Variants in PDE1C observed in about 807,000 individuals in gnomAD.
PDE1C encodes dual specificity calcium/calmodulin-dependent 3',5'-cyclic nucleotide phosphodiesterase 1C.
Under a neutral mutation model 93.1 loss-of-function variants are expected in PDE1C, and 62 were observed. The observed-to-expected ratio is 0.67, with a 90% confidence interval of 0.54 to 0.82. The LOEUF is 0.82. Ranked by LOEUF, PDE1C falls within the 40% of genes least tolerant of loss-of-function variation. The pLI is 0.00. For missense variants in PDE1C, 742 were observed against 884.6 expected, an observed-to-expected ratio of 0.84 and a Z score of 2.04; for synonymous variants, 325 against 310.1, an observed-to-expected ratio of 1.05 and a Z score of -0.50.
intron 3 of PDE1C, among the ~76,000 whole-genome samples, chr7:32,150,290 A>G (rs993578182): frequency 6.6e-6 from 1 of 152,176 alleles, no homozygotes; most frequent in Non-Finnish European, 1.5e-5. Context: ...ACTGTGTAAG[A>G]GAGTCAGCCA....
intron 1 of PDE1C, among the ~76,000 whole-genome samples, chr7:32,274,973 A>T (rs1395644146): frequency 6.6e-6 from 1 of 152,250 alleles, no homozygotes; most frequent in Non-Finnish European, 1.5e-5. Flanking sequence ...TTTCTAAAGC[A>T]ACTCTACAAG....
At chr7:31,735,466 G>A in the PDE1C span, among the ~76,000 whole-genome samples, 3 of 150,790 alleles carry the variant, frequency 2.0e-5, no homozygotes, top group Admixed American at 6.6e-5. Flanking sequence ...ATAAGCAAAC[G>A]TCCCAGGCCT....
At chr7:31,621,754 C>A in the PDE1C span, among the ~76,000 whole-genome samples, 1 of 145,132 alleles carries the variant, frequency 6.9e-6, no homozygotes, top group Admixed American at 6.9e-5. Context: ...TCACACATAA[C>A]AATATTAACT....
intron 3 of PDE1C, among the ~76,000 whole-genome samples, chr7:32,125,374 A>G (rs1304300497): frequency 6.6e-6 from 1 of 152,202 alleles, no homozygotes; most frequent in African/African-American, 2.4e-5. Context: ...CTGGGTATAT[A>G]CCCAAAAGAA....
chr7:31,669,347 C>T, the PDE1C span, among the ~76,000 whole-genome samples: 1 of 152,174 alleles, frequency 6.6e-6, no homozygotes, highest in Admixed American at 6.5e-5. Context: ...AAATATTTGA[C>T]CCACTGTTAA....
chr7:32,326,307 G>A (rs1015090746), intron 1 of PDE1C, among the ~76,000 whole-genome samples: 1 of 152,236 alleles, frequency 6.6e-6, no homozygotes, highest in African/African-American at 2.4e-5. Flanking sequence ...AGGCATAAAT[G>A]TGGGAGTCAC....
chr7:31,682,670 C>T, the PDE1C span, among the ~76,000 whole-genome samples: 1 of 152,190 alleles, frequency 6.6e-6, no homozygotes, highest in Non-Finnish European at 1.5e-5. Context: ...AAAAGAAGTA[C>T]ACAATTGTTC....
intron 2 of PDE1C, among the ~76,000 whole-genome samples, chr7:31,967,828 C>T (rs1358680459): frequency 6.6e-6 from 1 of 152,168 alleles, no homozygotes; most frequent in Non-Finnish European, 1.5e-5. Flanking sequence ...AAACGTAATC[C>T]AGCATATAAA....
chr7:32,401,819 CAG>C (rs1220163123), intron 1 of PDE1C, among the ~76,000 whole-genome samples: 6 of 152,180 alleles, frequency 3.9e-5, no homozygotes, highest in Admixed American at 3.9e-4. Flanking sequence ...TCGCCTACGT[CAG>C]AGAGTCTGCA....
At chr7:31,985,634 A>G (rs981186384) in intron 2 of PDE1C, among the ~76,000 whole-genome samples, 5 of 149,966 alleles carry the variant, frequency 3.3e-5, no homozygotes, top group African/African-American at 1.2e-4. Flanking sequence ...AAGTGTTCTT[A>G]TTGTTCAGTT....
At chr7:31,958,576 C>T (rs996073611) in intron 2 of PDE1C, among the ~76,000 whole-genome samples, 1 of 152,146 alleles carries the variant, frequency 6.6e-6, no homozygotes, top group African/African-American at 2.4e-5. Flanking sequence ...ACCACAGTGC[C>T]TGTCGAACAG....
Position 31,779,725 on chromosome 7 carries a change from T to G in PDE1C, c.1892-3993A>C, listed in dbSNP as rs372570427. ...CATTGGCGGGGGGTTAGGTTCTGAGTCAGCCTCCCACTGGCTTCCAGTTCA... is the reference window on the plus strand; with the variant it reads ...CATTGGCGGGGGGTTAGGTTCTGAGGCAGCCTCCCACTGGCTTCCAGTTCA... On this transcript the variant is annotated intron_variant, in intron 16 of 17. Coordinates refer to ENST00000396191, the MANE Select transcript of PDE1C (RefSeq NM_001191057.4). Among the ~76,000 whole-genome samples the G allele has an allele frequency of 2.6e-5, 4 of 152,260 alleles. No individual in the cohort carries two copies. The East Asian group carries it at 7.7e-4, about 29-fold the overall frequency.
the PDE1C span, among the ~76,000 whole-genome samples, chr7:31,744,591 A>G: frequency 6.6e-6 from 1 of 152,160 alleles, no homozygotes; most frequent in African/African-American, 2.4e-5. Context: ...CCTTTGAGCC[A>G]CTTAATCATC....
intron 2 of PDE1C, among the ~76,000 whole-genome samples, chr7:32,025,155 A>T (rs1481438006): frequency 1.3e-5 from 2 of 152,122 alleles, no homozygotes; most frequent in Non-Finnish European, 2.9e-5. Flanking sequence ...AATCATCCTC[A>T]TGTAGAGTTA....
intron 2 of PDE1C, among the ~76,000 whole-genome samples, chr7:31,989,029 GAA>G (rs1403981801): frequency 7.6e-6 from 1 of 131,520 alleles, no homozygotes; most frequent in African/African-American, 3.0e-5. Flanking sequence ...GAGAGAGAGA[GAA>G]AGAGAGAAAG....
chr7:31,639,967 CTAT>C, the PDE1C span, among the ~76,000 whole-genome samples: 2 of 152,012 alleles, frequency 1.3e-5, no homozygotes, highest in Non-Finnish European at 2.9e-5. Context: ...CTTTGCACAC[CTAT>C]TATTTTTTAA....
chr7:31,911,025 A>G (rs1801176268), intron 2 of PDE1C, among the ~76,000 whole-genome samples: 1 of 152,172 alleles, frequency 6.6e-6, no homozygotes, highest in African/African-American at 2.4e-5. Flanking sequence ...ATGTAAGTCA[A>G]TTGCTTACAT....
chr7:32,422,588 C>T (rs1000852003), intron 1 of PDE1C, among the ~76,000 whole-genome samples: 3 of 151,692 alleles, frequency 2.0e-5, no homozygotes, highest in Admixed American at 6.6e-5. Context: ...ATCATGTATA[C>T]TTGGTTTTCT....
At chr7:31,832,182 C>T (rs995146301) in intron 11 of PDE1C, among the ~76,000 whole-genome samples, 4 of 151,986 alleles carry the variant, frequency 2.6e-5, no homozygotes, top group East Asian at 1.9e-4. Flanking sequence ...CTCACCAACA[C>T]GTGTAATAAA....
Sources: allele counts gnomAD v4.1 joint callset (sites outside exome capture counted in the v4.1 genomes callset), GRCh38; gene constraint gnomAD v4.1.1; transcripts MANE v1.5; gene names NCBI Gene and HGNC (gene_info 2026-07-23, HGNC 2026-07-21).